Variants in SRGAP3 observed in about 807,000 individuals in gnomAD.
SRGAP3 encodes the protein SLIT-ROBO Rho GTPase-activating protein 3.
A neutral mutation model predicts 121.1 loss-of-function variants in SRGAP3; 39 were observed. The observed-to-expected ratio is 0.32, with a 90% CI of 0.25 to 0.42. SRGAP3 has a LOEUF of 0.42. Ranked by LOEUF, SRGAP3 falls within the 10% of genes least tolerant of loss-of-function variation. SRGAP3 has a pLI of 1.00. For missense variants in SRGAP3, 1,213 were observed against 1,470.6 expected, an observed-to-expected ratio of 0.82 and a Z score of 2.86; for synonymous variants, 601 against 570.0, an observed-to-expected ratio of 1.05 and a Z score of -0.77.
chr3:9,154,431 C>T (rs999739946), intron 1 of SRGAP3, among the ~76,000 whole-genome samples: 3 of 152,002 alleles, frequency 2.0e-5, no homozygotes, highest in African/African-American at 7.3e-5. Context: ...CACCTCGCCT[C>T]CCCCTGCTCA....
At chr3:9,261,562 A>G (rs1410438720) in intron 3 of SRGAP3, among the ~76,000 whole-genome samples, 1 of 151,958 alleles carries the variant, frequency 6.6e-6, no homozygotes, top group Admixed American at 6.6e-5. Context: ...ATACACAAGT[A>G]TCAATAGCCA....
At chr3:9,082,435 G>T (rs549857028) in intron 3 of SRGAP3, among the ~76,000 whole-genome samples, 1 of 152,308 alleles carries the variant, frequency 6.6e-6, no homozygotes, top group African/African-American at 2.4e-5. Flanking sequence ...CTATGAACCA[G>T]GAAGCAAGCT....
intron 3 of SRGAP3, among the ~76,000 whole-genome samples, chr3:9,265,131 C>T (rs1332473961): frequency 6.6e-6 from 1 of 152,082 alleles, no homozygotes; most frequent in African/African-American, 2.4e-5. Flanking sequence ...GGAAAGGATT[C>T]CCTATTTAAT....
chr3:9,306,066 C>T (rs925681888), intron 3 of SRGAP3, among the ~76,000 whole-genome samples: 1 of 151,878 alleles, frequency 6.6e-6, no homozygotes, highest in Non-Finnish European at 1.5e-5. Flanking sequence ...ACATCCTCTC[C>T]ATCATCTGTT....
intron 4 of SRGAP3, among the ~76,000 whole-genome samples, chr3:9,068,143 T>C (rs1175661880): frequency 2.0e-5 from 3 of 152,062 alleles, no homozygotes; most frequent in Non-Finnish European, 2.9e-5. Context: ...TCCTGCTACA[T>C]CTCCTTTTTC....
At chr3:9,165,655 T>C (rs1950760231) in intron 1 of SRGAP3, among the ~76,000 whole-genome samples, 1 of 152,144 alleles carries the variant, frequency 6.6e-6, no homozygotes, top group Non-Finnish European at 1.5e-5. Context: ...TGCATGCTTG[T>C]CCCGATTACC....
In SRGAP3 at chr3:9,299,372, A is replaced by AAAAAG. The variant is rs1001253144; in HGVS notation, n.442+26633_442+26637dup. On this transcript the variant is annotated intron_variant and non_coding_transcript_variant, in intron 3 of 3. Coordinates refer to the SRGAP3 transcript ENST00000490889. Reference sequence around the variant, plus strand: ...GAGACTCCGTCCCAAAAAAAAAAAAAAAAAGAAAAGAAAAGAAAAGAAACT... The same window carrying AAAAAG: ...GAGACTCCGTCCCAAAAAAAAAAAAAAAAAGAAAAGAAAAGAAAAGAAAAGAAACT... Among the ~76,000 whole-genome samples, 30 of 151,418 alleles carry AAAAAG rather than the reference A, an allele frequency of 2.0e-4. No individual in the cohort carries two copies. The South Asian group carries it at 4.2e-3, about 21-fold the overall frequency.
At chr3:9,182,648 TTTTA>T (rs1285717147) in intron 1 of SRGAP3, among the ~76,000 whole-genome samples, 2 of 152,122 alleles carry the variant, frequency 1.3e-5, no homozygotes, top group South Asian at 2.1e-4. Context: ...TTTTTTTAAT[TTTTA>T]TTTATTTGTT....
intron 1 of SRGAP3, among the ~76,000 whole-genome samples, chr3:9,221,722 G>A (rs1409498685): frequency 6.6e-6 from 1 of 152,086 alleles, no homozygotes; most frequent in Non-Finnish European, 1.5e-5. Flanking sequence ...TCTATGTGCT[G>A]CAGAAAGCCA....
intron 1 of SRGAP3, among the ~76,000 whole-genome samples, chr3:9,346,351 C>T (rs1021287028): frequency 6.6e-6 from 1 of 152,034 alleles, no homozygotes; most frequent in African/African-American, 2.4e-5. Flanking sequence ...TCAAGTGTTC[C>T]GCCATCTCAG....
intron 18 of SRGAP3, among the ~76,000 whole-genome samples, chr3:9,001,025 C>T (rs1942726514): frequency 6.6e-6 from 1 of 152,086 alleles, no homozygotes. Flanking sequence ...CTTAGAGAAA[C>T]TGCTAAAAAA....
chr3:9,173,929 T>C (rs539152574), intron 1 of SRGAP3, among the ~76,000 whole-genome samples: 29 of 152,264 alleles, frequency 1.9e-4, no homozygotes, highest in Non-Finnish European at 2.8e-4. Flanking sequence ...CACGTGATCA[T>C]GCTCAAAAAG....
At position 8,982,047 on chromosome 3, in the gene SRGAP3, G is replaced by C. The variant is rs1453399030; in HGVS notation, c.*3472C>G. 4.4e-6 allele frequency: 1 copy of C among 225,738 alleles called. No homozygotes were observed. The highest frequency in any genetic ancestry group is 2.2e-5 in the African/African-American group (1 of 44,946). The allele number at this position is 225,738 out of a possible 1,614,324, so 14.0% of individuals were successfully genotyped here. A position where few individuals can be genotyped will look rare whatever the true frequency, so the allele number is the denominator to read the frequency against. ...AGAGGAAAAGGGAATAAAAGGGGAC[G>C]GGGAGAGTGGGGTAGGAAGCACAGC... is the stretch of plus-strand genomic sequence containing the variant. On this transcript the variant is annotated 3_prime_UTR_variant, in exon 22 of 22. Transcript: ENST00000383836.
intron 2 of SRGAP3, among the ~76,000 whole-genome samples, chr3:9,123,394 C>T (rs1205711118): frequency 0.03 from 4,020 of 132,610 alleles, 188 homozygotes; most frequent in African/African-American, 0.1. Flanking sequence ...TATATACATA[C>T]ACAATACACA....
chr3:9,234,279 T>G (rs1274492233), intron 1 of SRGAP3, among the ~76,000 whole-genome samples: 1 of 152,150 alleles, frequency 6.6e-6, no homozygotes, highest in Non-Finnish European at 1.5e-5. Flanking sequence ...TAATAGATCT[T>G]TGGGAGACCC....
chr3:8,992,096 T>C (rs1942093892), intron 20 of SRGAP3, among the ~76,000 whole-genome samples: 1 of 152,182 alleles, frequency 6.6e-6, no homozygotes, highest in Non-Finnish European at 1.5e-5. Flanking sequence ...GGCATCAGGA[T>C]TTTTGCTGAA....
chr3:9,257,092 G>T, intron 3 of SRGAP3: 1 of 377,910 alleles, frequency 2.6e-6, no homozygotes, highest in Non-Finnish European at 4.7e-6. Flanking sequence ...GGGAAAGAAA[G>T]GTGTTATATA....
chr3:9,057,885 T>C (rs932907691), intron 7 of SRGAP3, among the ~76,000 whole-genome samples: 1 of 152,182 alleles, frequency 6.6e-6, no homozygotes, highest in Admixed American at 6.5e-5. Context: ...CCTGGTGGAA[T>C]GCACCAGCCT....
At chr3:9,273,022 A>C (rs1954508378) in intron 3 of SRGAP3, among the ~76,000 whole-genome samples, 1 of 152,224 alleles carries the variant, frequency 6.6e-6, no homozygotes, top group Admixed American at 6.5e-5. Flanking sequence ...TTTTGGCACC[A>C]GGGACGGGTT....
Sources: gnomAD v4.1 joint callset for allele counts (sites outside exome capture counted in the v4.1 genomes callset) on GRCh38, gnomAD v4.1.1 for gene constraint, MANE v1.5 for transcripts, NCBI Gene and HGNC (gene_info 2026-07-23, HGNC 2026-07-21) for gene names.